Variants in LRRC39 observed in about 807,000 individuals in gnomAD.
LRRC39 encodes the protein leucine-rich repeat-containing protein 39.
LRRC39 carries 35 observed loss-of-function variants against 39.7 expected under a neutral mutation model. The observed-to-expected ratio is 0.88, with a 90% CI of 0.67 to 1.17. The LOEUF (loss-of-function observed/expected upper bound fraction) is 1.17. Ranked by LOEUF, LRRC39 falls within the 50% of genes most tolerant of loss-of-function variation. LRRC39 has a pLI of 0.00. For synonymous variants in LRRC39, 113 were observed against 134.1 expected, an observed-to-expected ratio of 0.84 and a Z score of 1.09; for missense variants, 357 against 385.8, an observed-to-expected ratio of 0.93 and a Z score of 0.62.
At chr1:100,170,507 C>G (rs952954622) in intron 2 of LRRC39, among the ~76,000 whole-genome samples, 1 of 152,082 alleles carries the variant, frequency 6.6e-6, no homozygotes, top group Non-Finnish European at 1.5e-5. Context: ...TAGGGAGTGA[C>G]TGCTAACTGT....
chr1:100,171,373 G>C (rs1358276845), intron 2 of LRRC39, among the ~76,000 whole-genome samples: 2 of 151,818 alleles, frequency 1.3e-5, no homozygotes, highest in Non-Finnish European at 2.9e-5. Flanking sequence ...CAATTTCAAG[G>C]GATTAAAGTA....
chr1:100,161,001 T>C (rs1658839221), intron 3 of LRRC39, among the ~76,000 whole-genome samples: 1 of 152,116 alleles, frequency 6.6e-6, no homozygotes. Flanking sequence ...CAATAACTTA[T>C]TTTGCAAGAA....
At chr1:100,172,577 CT>C (rs1337333160) in intron 2 of LRRC39, among the ~76,000 whole-genome samples, 1 of 151,674 alleles carries the variant, frequency 6.6e-6, no homozygotes, top group African/African-American at 2.4e-5. Flanking sequence ...AATCCTAGCA[CT>C]TTGGGAGGCC....
intron 7 of LRRC39, among the ~76,000 whole-genome samples, chr1:100,155,776 G>GC (rs1658406683): frequency 6.6e-6 from 1 of 152,186 alleles, no homozygotes; most frequent in East Asian, 1.9e-4. Flanking sequence ...ACTAACTTGA[G>GC]CGAGTTAGCT....
At chr1:100,161,460 T>C (rs1658871969) in intron 3 of LRRC39, among the ~76,000 whole-genome samples, 1 of 152,226 alleles carries the variant, frequency 6.6e-6, no homozygotes, top group Admixed American at 6.5e-5. Flanking sequence ...ATGATTCCAC[T>C]GTATGGATCT....
intron 1 of LRRC39, among the ~76,000 whole-genome samples, chr1:100,173,797 C>G (rs1020793042): frequency 6.6e-6 from 1 of 152,012 alleles, no homozygotes; most frequent in African/African-American, 2.4e-5. Flanking sequence ...AATTATGTGT[C>G]TATATTCCAG....
chr1:100,152,037 A>T (rs1179029991), intron 9 of LRRC39, among the ~76,000 whole-genome samples: 1 of 152,166 alleles, frequency 6.6e-6, no homozygotes, highest in African/African-American at 2.4e-5. Flanking sequence ...CTATTTATGG[A>T]ATGACAGGGA....
chr1:100,160,649 G>A, intron 3 of LRRC39, 78 bp from the exon 4 acceptor site: 1 of 1,171,558 alleles, frequency 8.5e-7, no homozygotes, highest in South Asian at 1.4e-5. Context: ...TTGAGAGAGA[G>A]AGTTTCACTC....
intron 3 of LRRC39, among the ~76,000 whole-genome samples, chr1:100,165,161 A>G (rs1659157061): frequency 6.6e-6 from 1 of 152,214 alleles, no homozygotes; most frequent in Admixed American, 6.5e-5. Context: ...ATTAAGGGAA[A>G]GGTGCTTTGA....
intron 9 of LRRC39, 110 bp downstream of exon 9, chr1:100,152,270 AAACTT>A (rs1243962740): frequency 1.3e-5 from 14 of 1,109,848 alleles, no homozygotes; most frequent in East Asian, 7.6e-5. Flanking sequence ...ATTTGACAGA[AAACTT>A]AAGATGGAAT....
intron 3 of LRRC39, among the ~76,000 whole-genome samples, chr1:100,161,412 G>T (rs1326071125): frequency 6.6e-6 from 1 of 152,070 alleles, no homozygotes; most frequent in Admixed American, 6.5e-5. Context: ...CATCCATGCT[G>T]TAGCATGTAT....
chr1:100,176,821 A>C (rs1044359631), intron 1 of LRRC39, among the ~76,000 whole-genome samples: 63 of 152,366 alleles, frequency 4.1e-4, no homozygotes, highest in African/African-American at 1.4e-3. Context: ...ATCTATAAAA[A>C]AGTAAGGAAG....
At chr1:100,157,369 G>A (rs580611) in intron 6 of LRRC39, among the ~76,000 whole-genome samples, 113,933 of 152,016 alleles carry the variant, frequency 0.75, 45,340 homozygotes, top group East Asian at 0.94. Context: ...CATGTAAGAC[G>A]TGCCTTTTGC....
chr1:100,152,207 C>T (rs1448427983), intron 9 of LRRC39, among the ~76,000 whole-genome samples, 178 bp downstream of exon 9: 1 of 152,104 alleles, frequency 6.6e-6, no homozygotes, highest in African/African-American at 2.4e-5. Flanking sequence ...TCTTTAAAAC[C>T]TCTCTCTCTA....
chr1:100,168,099 G>T (rs918376286), intron 3 of LRRC39, among the ~76,000 whole-genome samples: 4 of 151,924 alleles, frequency 2.6e-5, no homozygotes, highest in African/African-American at 9.7e-5. Context: ...AGGTCCTAGG[G>T]CATATAATGC....
At chr1:100,174,940 T>C (rs1341786689) in intron 1 of LRRC39, among the ~76,000 whole-genome samples, 1 of 152,200 alleles carries the variant, frequency 6.6e-6, no homozygotes, top group Non-Finnish European at 1.5e-5. Context: ...CGTGGTGCTG[T>C]CCTTGAAACA....
chr1:100,172,242 A>G (rs1009770653), intron 2 of LRRC39, among the ~76,000 whole-genome samples: 7 of 152,212 alleles, frequency 4.6e-5, no homozygotes, highest in Non-Finnish European at 7.3e-5. Context: ...ATACTCCCCA[A>G]TTCAGATTAT....
intron 9 of LRRC39, among the ~76,000 whole-genome samples, chr1:100,150,892 C>T (rs1264162529): frequency 6.6e-6 from 1 of 152,046 alleles, no homozygotes; most frequent in African/African-American, 2.4e-5. Context: ...CTTTGGGAGG[C>T]CAAGGCAGGT....
chr1:100,168,255 G>A, intron 3 of LRRC39, 149 bp downstream of exon 3: 1 of 645,510 alleles, frequency 1.5e-6, no homozygotes, highest in South Asian at 2.1e-5. Flanking sequence ...ATTTAATTGA[G>A]TCAGCTGTTT....
Sources: allele counts gnomAD v4.1 joint callset (sites outside exome capture counted in the v4.1 genomes callset), GRCh38; gene constraint gnomAD v4.1.1; transcripts MANE v1.5; gene names NCBI Gene and HGNC (gene_info 2026-07-23, HGNC 2026-07-21).